Variants in HS6ST3 observed in about 807,000 individuals in gnomAD.
HS6ST3 encodes the protein heparan-sulfate 6-O-sulfotransferase 3.
A neutral mutation model predicts 36.7 loss-of-function variants in HS6ST3; 12 were observed. The ratio of observed to expected loss-of-function variants is 0.33; its 90% CI spans 0.21 to 0.53. HS6ST3 has a LOEUF of 0.53. Among genes scored for constraint, HS6ST3 ranks in the 20% least tolerant of loss-of-function variants. HS6ST3 has a pLI of 0.95. For synonymous variants in HS6ST3, 240 were observed against 257.5 expected (o/e 0.93, Z 0.65); for missense variants, 584 against 640.9 (o/e 0.91, Z 0.96).
At chr13:96,561,881 A>G (rs1594807379) in intron 1 of HS6ST3, among the ~76,000 whole-genome samples, 1 of 152,204 alleles carries the variant, frequency 6.6e-6, no homozygotes, top group Admixed American at 6.5e-5. Flanking sequence ...AAAATAACAG[A>G]TGCTTACAAG....
intron 1 of HS6ST3, among the ~76,000 whole-genome samples, chr13:96,602,172 C>T (rs957278338): frequency 4.6e-5 from 7 of 152,148 alleles, no homozygotes; most frequent in African/African-American, 1.7e-4. Flanking sequence ...TCCTGTTTCC[C>T]TCATTTCACA....
At chr13:96,172,665 A>G (rs909526555) in intron 1 of HS6ST3, among the ~76,000 whole-genome samples, 2 of 152,240 alleles carry the variant, frequency 1.3e-5, no homozygotes, top group African/African-American at 4.8e-5. Context: ...TGTAGAGTTC[A>G]GTCCACAAGT....
chr13:96,409,613 A>G (rs2055497100), intron 1 of HS6ST3, among the ~76,000 whole-genome samples: 2 of 152,220 alleles, frequency 1.3e-5, no homozygotes, highest in African/African-American at 4.8e-5. Flanking sequence ...ATATCAGTCA[A>G]TACAATAAAT....
intron 1 of HS6ST3, among the ~76,000 whole-genome samples, chr13:96,658,268 CTTTTTTTTTTTTTTT>C (rs71213623): frequency 0.017 from 1,261 of 76,182 alleles, 22 homozygotes; most frequent in Non-Finnish European, 0.023. Flanking sequence ...TCTTCTTCTT[CTTTTTTTTTTTTTTT>C]TTTTTTTTTT....
chr13:96,152,004 A>G (rs1253408929), intron 1 of HS6ST3, among the ~76,000 whole-genome samples: 2 of 152,230 alleles, frequency 1.3e-5, no homozygotes, highest in African/African-American at 4.8e-5. Context: ...ATTCTGAGAT[A>G]CTAGGGGTTA....
chr13:96,761,841 A>G (rs1008671722), intron 1 of HS6ST3, among the ~76,000 whole-genome samples: 3 of 152,154 alleles, frequency 2.0e-5, no homozygotes, highest in African/African-American at 7.2e-5. Flanking sequence ...ATTTTAGGCC[A>G]TTTTATTCTG....
chr13:96,403,770 A>T (rs1354847376), intron 1 of HS6ST3, among the ~76,000 whole-genome samples: 1 of 152,198 alleles, frequency 6.6e-6, no homozygotes, highest in Non-Finnish European at 1.5e-5. Flanking sequence ...ATTAGCGTGT[A>T]TCAGGGTCAT....
intron 1 of HS6ST3, among the ~76,000 whole-genome samples, chr13:96,579,195 G>A (rs1432448043): frequency 6.6e-6 from 1 of 151,990 alleles, no homozygotes; most frequent in African/African-American, 2.4e-5. Flanking sequence ...TTAATATTTT[G>A]TACAAGATCT....
intron 1 of HS6ST3, among the ~76,000 whole-genome samples, chr13:96,254,494 TATATACACATACATACAC>T (rs2054626930): frequency 4.6e-5 from 1 of 21,930 alleles, no homozygotes; most frequent in Non-Finnish European, 8.6e-5. Context: ...TATATATATA[TATATACACATACATACAC>T]ACACACACTT....
At chr13:96,128,158 A>T (rs1286439546) in intron 1 of HS6ST3, among the ~76,000 whole-genome samples, 1 of 152,230 alleles carries the variant, frequency 6.6e-6, no homozygotes, top group African/African-American at 2.4e-5. Context: ...TAAAACCCTT[A>T]TCTGTTTTCT....
At chr13:96,304,371 C>T (rs891684640) in intron 1 of HS6ST3, among the ~76,000 whole-genome samples, 11 of 152,010 alleles carry the variant, frequency 7.2e-5, no homozygotes, top group African/African-American at 1.9e-4. Context: ...TAATTAGACA[C>T]GTATTTGATT....
At chr13:96,142,934 A>T (rs932255190) in intron 1 of HS6ST3, among the ~76,000 whole-genome samples, 3 of 152,158 alleles carry the variant, frequency 2.0e-5, no homozygotes, top group Non-Finnish European at 4.4e-5. Context: ...TAAAGTGCTG[A>T]TGCTTTCCGA....
intron 1 of HS6ST3, among the ~76,000 whole-genome samples, chr13:96,214,527 C>A (rs1273901094): frequency 6.6e-6 from 1 of 152,184 alleles, no homozygotes; most frequent in African/African-American, 2.4e-5. Flanking sequence ...GGGTAAGCTA[C>A]CTGTTCCCCA....
At chr13:96,379,968 G>A (rs1362724287) in intron 1 of HS6ST3, among the ~76,000 whole-genome samples, 1 of 152,140 alleles carries the variant, frequency 6.6e-6, no homozygotes, top group Non-Finnish European at 1.5e-5. Context: ...CTATTAAAAT[G>A]ATAAGATGTT....
At chr13:96,425,345 A>G (rs1026606967) in intron 1 of HS6ST3, among the ~76,000 whole-genome samples, 1 of 152,008 alleles carries the variant, frequency 6.6e-6, no homozygotes. Context: ...TTTTTGAATT[A>G]AATGTCCTAA....
intron 1 of HS6ST3, among the ~76,000 whole-genome samples, chr13:96,162,053 T>A (rs1179199535): frequency 6.6e-6 from 1 of 152,058 alleles, no homozygotes; most frequent in Admixed American, 6.6e-5. Context: ...AAATAAAAAA[T>A]AAAATTATTA....
chr13:96,152,316 C>CTTTTTTTTTTTTTTTTTTTTTTT (rs766489670), intron 1 of HS6ST3, among the ~76,000 whole-genome samples: 3 of 97,094 alleles, frequency 3.1e-5, no homozygotes, highest in Non-Finnish European at 4.2e-5. Flanking sequence ...GGCCCCTTTC[C>CTTTTTTTTTTTTTTTTTTTTTTT]TTTTTTTTTT....
At chr13:96,583,006 A>C (rs150098843) in intron 1 of HS6ST3, among the ~76,000 whole-genome samples, 43 of 151,876 alleles carry the variant, frequency 2.8e-4, no homozygotes, top group Middle Eastern at 3.4e-3. Flanking sequence ...TTATCTGGCC[A>C]CTCCATGCAT....
chr13:96,816,406 G>A (rs1212793431), intron 1 of HS6ST3, among the ~76,000 whole-genome samples: 1 of 152,162 alleles, frequency 6.6e-6, no homozygotes, highest in African/African-American at 2.4e-5. Flanking sequence ...TGTACTGGGG[G>A]GCATTTGCCA....
Sources: gnomAD v4.1 joint callset for allele counts (sites outside exome capture counted in the v4.1 genomes callset) on GRCh38, gnomAD v4.1.1 for gene constraint, MANE v1.5 for transcripts, NCBI Gene and HGNC (gene_info 2026-07-23, HGNC 2026-07-21) for gene names.